The following DNAH9 variants were observed in gnomAD, a reference collection of about 807,000 sequenced individuals.
DNAH9 encodes dynein axonemal heavy chain 9.
A neutral mutation model predicts 471.6 loss-of-function variants in DNAH9; 345 were observed. The ratio of observed to expected loss-of-function variants is 0.73; its 90% CI spans 0.67 to 0.80. The LOEUF (loss-of-function observed/expected upper bound fraction) is 0.80. Among genes scored for constraint, DNAH9 ranks in the 30% least tolerant of loss-of-function variants. The pLI, the probability that DNAH9 is intolerant of heterozygous loss-of-function variation, is 0.00. For missense variants in DNAH9, 5,407 were observed against 5,609.2 expected (o/e 0.96, Z 1.15); for synonymous variants, 2,093 against 2,123.6 (o/e 0.99, Z 0.40).
chr17:11,965,305 A>G (rs951096063), intron 68 of DNAH9, among the ~76,000 whole-genome samples: 4 of 152,250 alleles, frequency 2.6e-5, no homozygotes, highest in Non-Finnish European at 5.9e-5. Flanking sequence ...GTGCTCCAAC[A>G]CTTGCACACA....
At position 11,780,994 on chromosome 17, in the gene DNAH9, T is replaced by A; in HGVS notation, c.7553-15T>A. On this transcript the variant is annotated splice_polypyrimidine_tract_variant and intron_variant, in intron 38 of 68. Coordinates refer to ENST00000262442, the MANE Select transcript of DNAH9 (RefSeq NM_001372.4). ...ATTTGAGCCGCCTTCCCTCACCGAC[T>A]GGCTCTCTCCCCAGCTGTCCTGGAG... is the stretch of plus-strand genomic sequence containing the variant. 1 of 1,611,992 alleles carries A rather than the reference T, an allele frequency of 6.2e-7. No homozygotes were observed. Among genetic ancestry groups the A allele is most frequent in the Non-Finnish European group, 8.5e-7 (1 of 1,179,020 alleles).
At chr17:11,619,817 G>A (rs1418590413) in intron 6 of DNAH9, 36 bp downstream of exon 6, 4 of 1,325,318 alleles carry the variant, frequency 3.0e-6, no homozygotes, top group Non-Finnish European at 4.4e-6. Context: ...GCCAGCCCCA[G>A]ACAGAAAGAA....
intron 67 of DNAH9, among the ~76,000 whole-genome samples, chr17:11,959,341 C>T (rs192474614): frequency 1.3e-5 from 2 of 152,138 alleles, no homozygotes; most frequent in East Asian, 3.9e-4. Context: ...TTTATTTTGT[C>T]CTTTGCACTA....
intron 62 of DNAH9, among the ~76,000 whole-genome samples, chr17:11,927,445 A>C (rs1193716679): frequency 6.6e-6 from 1 of 152,178 alleles, no homozygotes; most frequent in African/African-American, 2.4e-5. Flanking sequence ...AGGTATAAGG[A>C]AGGAGTCTAG....
intron 12 of DNAH9, 73 bp downstream of exon 12, chr17:11,647,271 T>A: frequency 6.9e-7 from 1 of 1,440,054 alleles, no homozygotes; most frequent in Non-Finnish European, 9.6e-7. Context: ...TTCAAAAGCG[T>A]AAAGACTTTT....
At chr17:11,767,082 C>T (rs1231088354) in intron 36 of DNAH9, among the ~76,000 whole-genome samples, 2 of 152,142 alleles carry the variant, frequency 1.3e-5, no homozygotes, top group Non-Finnish European at 2.9e-5. Flanking sequence ...GGTCAAGCAC[C>T]AGCTTACAGG....
chr17:11,887,727 TACAC>T (rs923240499), intron 57 of DNAH9, among the ~76,000 whole-genome samples: 5 of 133,908 alleles, frequency 3.7e-5, no homozygotes, highest in Non-Finnish European at 6.4e-5. Context: ...AGATTTCACA[TACAC>T]ACAGTCACAC....
intron 26 of DNAH9, among the ~76,000 whole-genome samples, chr17:11,713,503 A>C (rs2074908910): frequency 6.6e-6 from 1 of 152,070 alleles, no homozygotes; most frequent in Non-Finnish European, 1.5e-5. Context: ...GTTTGAGCTA[A>C]TTTACACTCC....
At chr17:11,859,079 C>T (rs1421302432) in intron 50 of DNAH9, among the ~76,000 whole-genome samples, 21 of 107,858 alleles carry the variant, frequency 1.9e-4, no homozygotes, top group East Asian at 7.2e-4. Context: ...AGGGAAACCC[C>T]GTCTCAAAAA....
intron 41 of DNAH9, among the ~76,000 whole-genome samples, chr17:11,785,956 G>A (rs1446898327): frequency 6.6e-6 from 1 of 152,152 alleles, no homozygotes; most frequent in African/African-American, 2.4e-5. Flanking sequence ...AGCAAAGTTT[G>A]TGCTTACTCA....
At position 11,934,074 on chromosome 17, in the gene DNAH9, G is replaced by A. The variant is rs1247710337; in HGVS notation, c.12489+3G>A. The A allele has an allele frequency of 1.2e-6, 2 of 1,612,332 alleles. No individual in the cohort carries two copies. The highest frequency in any genetic ancestry group is 1.7e-6 in the Non-Finnish European group (2 of 1,178,966). Reference sequence around the variant, plus strand: ...TGGACTACAATGGTTATCATCAGGTGAGACTCTGCTCTGTGCTTCTGATGT... The same window carrying A: ...TGGACTACAATGGTTATCATCAGGTAAGACTCTGCTCTGTGCTTCTGATGT... On this transcript the variant is annotated splice_donor_region_variant and intron_variant, in intron 65 of 68. Coordinates refer to ENST00000262442, the MANE Select transcript of DNAH9 (RefSeq NM_001372.4).
At chr17:11,907,511 A>G (rs141398958) in intron 61 of DNAH9, among the ~76,000 whole-genome samples, 2 of 152,088 alleles carry the variant, frequency 1.3e-5, no homozygotes, top group African/African-American at 4.8e-5. Flanking sequence ...AGGAGGGTGT[A>G]ATGAGGCATG....
At chr17:11,616,761 C>G (rs1478549254) in intron 4 of DNAH9, among the ~76,000 whole-genome samples, 1 of 152,164 alleles carries the variant, frequency 6.6e-6, no homozygotes, top group Non-Finnish European at 1.5e-5. Flanking sequence ...TATACATGTG[C>G]TCACTCATAG....
intron 41 of DNAH9, among the ~76,000 whole-genome samples, chr17:11,786,823 T>G (rs1024947586): frequency 6.6e-6 from 1 of 152,164 alleles, no homozygotes; most frequent in African/African-American, 2.4e-5. Context: ...ATTGTTCCCC[T>G]GGCCTGTTTC....
At chr17:11,882,407 G>A (rs879203268) in intron 55 of DNAH9, among the ~76,000 whole-genome samples, 3 of 152,160 alleles carry the variant, frequency 2.0e-5, no homozygotes, top group Admixed American at 2.0e-4. Context: ...AGCAGATAAC[G>A]TGCTTTTTGT....
At chr17:11,708,988 A>G (rs2074783144) in intron 26 of DNAH9, among the ~76,000 whole-genome samples, 1 of 152,156 alleles carries the variant, frequency 6.6e-6, no homozygotes, top group South Asian at 2.1e-4. Flanking sequence ...CGGCCTTCAG[A>G]ATATTTCCAT....
intron 31 of DNAH9, among the ~76,000 whole-genome samples, chr17:11,746,412 A>G (rs528542074): frequency 5.3e-5 from 8 of 152,352 alleles, no homozygotes; most frequent in East Asian, 1.9e-4. Flanking sequence ...TTAAATAACA[A>G]TCTGCTACAA....
chr17:11,640,129 C>T, intron 9 of DNAH9, 141 bp from the exon 10 acceptor site: 2 of 634,136 alleles, frequency 3.2e-6, no homozygotes, highest in Non-Finnish European at 5.6e-6. Context: ...CAGAACCCCC[C>T]AGGAACTCCA....
At chr17:11,743,699 C>T (rs536632312) in intron 30 of DNAH9, among the ~76,000 whole-genome samples, 3 of 152,294 alleles carry the variant, frequency 2.0e-5, no homozygotes, top group Admixed American at 6.5e-5. Context: ...ACTTCTTTTT[C>T]GTCTGTGCCT....
Sources: gnomAD v4.1 joint callset for allele counts (sites outside exome capture counted in the v4.1 genomes callset) on GRCh38, gnomAD v4.1.1 for gene constraint, MANE v1.5 for transcripts, NCBI Gene and HGNC (gene_info 2026-07-23, HGNC 2026-07-21) for gene names.